Variants in USH2A observed in about 807,000 individuals in gnomAD.
USH2A encodes the protein Usher syndrome 2A (autosomal recessive, mild).
A neutral mutation model predicts 538.9 loss-of-function variants in USH2A; 443 were observed. That is an observed-to-expected ratio of 0.82 (90% CI 0.76 to 0.89). The LOEUF is 0.89. Among genes scored for constraint, USH2A ranks in the 40% least tolerant of loss-of-function variants. The pLI is 0.00. For missense variants in USH2A, 6,633 were observed against 6,324.8 expected (o/e 1.05, Z -1.65); for synonymous variants, 2,413 against 2,273.5 (o/e 1.06, Z -1.75).
chr1:216,216,969 C>G (rs1377119387), intron 15 of USH2A, among the ~76,000 whole-genome samples: 3 of 151,870 alleles, frequency 2.0e-5, no homozygotes, highest in Non-Finnish European at 2.9e-5. Context: ...ATATAATAAA[C>G]AAGAATTCAC....
intron 54 of USH2A, among the ~76,000 whole-genome samples, chr1:215,781,227 T>C (rs1661625549): frequency 6.6e-6 from 1 of 152,174 alleles, no homozygotes; most frequent in Admixed American, 6.5e-5. Flanking sequence ...TTCAGTCACC[T>C]CTCAATCTGG....
rs969674883 is a variant in USH2A at position 215,801,478 on chromosome 1, G to A, written c.9740-2353C>T. Among the ~76,000 whole-genome samples, 75 of 149,866 alleles carry A rather than the reference G, an allele frequency of 5.0e-4. 1 individual carries two copies. The highest frequency in any genetic ancestry group is 1.5e-3 in the African/African-American group (63 of 41,138). ...AAGTCAGCATAGAAAAACTAGGTAT[G>A]TTTCTATACACTAAGAATGAACAAC... On this transcript the variant is annotated intron_variant, in intron 49 of 71. Coordinates refer to ENST00000307340, the MANE Select transcript of USH2A (RefSeq NM_206933.4).
chr1:215,839,867 T>A (rs549881304), intron 46 of USH2A, among the ~76,000 whole-genome samples: 28 of 152,176 alleles, frequency 1.8e-4, no homozygotes, highest in African/African-American at 5.8e-4. Context: ...ATTCAAAAAG[T>A]AGATACTTGG....
chr1:215,633,328 T>G (rs1010255642), intron 70 of USH2A, among the ~76,000 whole-genome samples: 2 of 152,102 alleles, frequency 1.3e-5, no homozygotes, highest in Non-Finnish European at 2.9e-5. Context: ...CAGTGCCTTC[T>G]TTGCTTCTCC....
chr1:216,198,674 T>G, intron 17 of USH2A, 90 bp from the exon 18 acceptor site: 1 of 1,160,886 alleles, frequency 8.6e-7, no homozygotes, highest in Non-Finnish European at 1.2e-6. Context: ...TAAAGAGTGC[T>G]GGATATTCAT....
At chr1:215,871,583 A>G (rs1664624941) in intron 43 of USH2A, among the ~76,000 whole-genome samples, 1 of 152,194 alleles carries the variant, frequency 6.6e-6, no homozygotes, top group African/African-American at 2.4e-5. Context: ...ACATCACTTC[A>G]CTCATTCATT....
intron 61 of USH2A, among the ~76,000 whole-genome samples, chr1:215,710,382 G>T (rs1659305299): frequency 6.6e-6 from 1 of 152,148 alleles, no homozygotes; most frequent in Admixed American, 6.5e-5. Flanking sequence ...CAATAATACA[G>T]CAGTAAAAAG....
intron 44 of USH2A, among the ~76,000 whole-genome samples, chr1:215,865,000 A>C (rs1184558836): frequency 2.6e-5 from 4 of 152,186 alleles, no homozygotes; most frequent in African/African-American, 9.7e-5. Context: ...TTATAAATTT[A>C]AAACATGATT....
At chr1:216,098,785 G>A (rs2032508955) in intron 21 of USH2A, among the ~76,000 whole-genome samples, 1 of 151,472 alleles carries the variant, frequency 6.6e-6, no homozygotes, top group Admixed American at 6.6e-5. Flanking sequence ...AATGGTATAG[G>A]GATGTATACA....
chr1:216,162,012 C>T (rs1054537451), intron 21 of USH2A, among the ~76,000 whole-genome samples: 26 of 151,962 alleles, frequency 1.7e-4, no homozygotes, highest in Non-Finnish European at 3.4e-4. Flanking sequence ...CTGTAATATA[C>T]CTGGATATGG....
chr1:215,630,716 G>T (rs1656255269), intron 70 of USH2A, among the ~76,000 whole-genome samples: 1 of 151,456 alleles, frequency 6.6e-6, no homozygotes, highest in Admixed American at 6.6e-5. Flanking sequence ...AGCCAGGCAT[G>T]GTGGCGGGCG....
intron 9 of USH2A, among the ~76,000 whole-genome samples, chr1:216,311,723 C>T (rs900825735): frequency 6.6e-6 from 1 of 152,200 alleles, no homozygotes; most frequent in East Asian, 1.9e-4. Context: ...GGAGCTTGAA[C>T]TATCAAGACA....
At chr1:215,921,858 C>A (rs57818007) in intron 38 of USH2A, among the ~76,000 whole-genome samples, 205 of 152,108 alleles carry the variant, frequency 1.3e-3, no homozygotes, top group African/African-American at 4.6e-3. Context: ...TTAATATATG[C>A]AAAACCACAC....
intron 58 of USH2A, among the ~76,000 whole-genome samples, chr1:215,756,919 TAAAC>T (rs58389913): frequency 0.36 from 52,631 of 146,792 alleles, 9,947 homozygotes; most frequent in Non-Finnish European, 0.41. Context: ...GGTCTCAAAA[TAAAC>T]AAACAAACAA....
chr1:216,020,799 C>T (rs1472738556), intron 32 of USH2A, among the ~76,000 whole-genome samples: 3 of 152,076 alleles, frequency 2.0e-5, no homozygotes, highest in African/African-American at 7.2e-5. Context: ...CCTAAAAGCC[C>T]CTAAACAGAA....
chr1:215,688,780 C>T (rs896593618), intron 61 of USH2A, among the ~76,000 whole-genome samples: 1 of 151,902 alleles, frequency 6.6e-6, no homozygotes. Flanking sequence ...GCTTAATTAC[C>T]TTCCTAGAGG....
chr1:215,840,195 A>T, intron 46 of USH2A, among the ~76,000 whole-genome samples: 1 of 139,986 alleles, frequency 7.1e-6, no homozygotes, highest in Non-Finnish European at 1.5e-5. Context: ...AAAAAAAAAA[A>T]GTAGATACTT....
chr1:216,174,238 T>C, intron 21 of USH2A: 1 of 985,226 alleles, frequency 1.0e-6, no homozygotes, highest in South Asian at 4.7e-5. Flanking sequence ...AGACTAGCTA[T>C]TTGCTCCAAA....
At chr1:216,256,456 A>G (rs2036262107) in intron 11 of USH2A, among the ~76,000 whole-genome samples, 1 of 151,566 alleles carries the variant, frequency 6.6e-6, no homozygotes, top group Admixed American at 6.6e-5. Context: ...ATCACAGCCT[A>G]GCTTTAAGTG....
Sources: allele counts gnomAD v4.1 joint callset (sites outside exome capture counted in the v4.1 genomes callset), GRCh38; gene constraint gnomAD v4.1.1; transcripts MANE v1.5; gene names NCBI Gene and HGNC (gene_info 2026-07-23, HGNC 2026-07-21).